UGGT2: variants seen among roughly 807,000 people sequenced by gnomAD.
The protein encoded by UGGT2 is UDP-glucose:glycoprotein glucosyltransferase 2.
In UGGT2, 180 loss-of-function variants were observed where a neutral mutation model predicts 192.1. The ratio of observed to expected loss-of-function variants is 0.94; its 90% CI spans 0.83 to 1.06. UGGT2 has a LOEUF of 1.06. Ranked by LOEUF, UGGT2 falls within the 50% of genes least tolerant of loss-of-function variation. The pLI, the probability that UGGT2 is intolerant of heterozygous loss-of-function variation, is 0.00. For missense variants in UGGT2, 1,849 were observed against 1,795.7 expected, an observed-to-expected ratio of 1.03 and a Z score of -0.54; for synonymous variants, 580 against 591.0, an observed-to-expected ratio of 0.98 and a Z score of 0.27.
At chr13:95,859,820 G>A in intron 32 of UGGT2, 145 bp from the exon 33 acceptor site, 4 of 524,762 alleles carry the variant, frequency 7.6e-6, no homozygotes, top group Non-Finnish European at 1.3e-5. Flanking sequence ...AGAACATACA[G>A]GTTTGTTACA....
intron 12 of UGGT2, among the ~76,000 whole-genome samples, chr13:95,959,395 A>G (rs2050315768): frequency 6.6e-6 from 1 of 151,876 alleles, no homozygotes; most frequent in Non-Finnish European, 1.5e-5. Flanking sequence ...CTGAGCATCC[A>G]CCTATGGCCG....
intron 2 of UGGT2, among the ~76,000 whole-genome samples, chr13:96,024,082 T>C (rs1322151061): frequency 1.3e-5 from 2 of 152,194 alleles, no homozygotes; most frequent in Non-Finnish European, 2.9e-5. Flanking sequence ...AAGTCCTACC[T>C]ACAAGGTAGA....
intron 17 of UGGT2, among the ~76,000 whole-genome samples, chr13:95,934,376 G>A (rs2049390955): frequency 6.6e-6 from 1 of 152,160 alleles, no homozygotes; most frequent in African/African-American, 2.4e-5. Flanking sequence ...TGTCTATTAG[G>A]TCTAACTGAT....
chr13:95,851,671 A>G (rs1889059668), intron 36 of UGGT2, among the ~76,000 whole-genome samples: 1 of 152,188 alleles, frequency 6.6e-6, no homozygotes, highest in Non-Finnish European at 1.5e-5. Flanking sequence ...TTTACCTAAG[A>G]AAAAAGATAT....
intron 12 of UGGT2, among the ~76,000 whole-genome samples, chr13:95,968,652 A>C (rs1445478156): frequency 6.6e-6 from 1 of 152,140 alleles, no homozygotes; most frequent in African/African-American, 2.4e-5. Flanking sequence ...GCTGCGAATT[A>C]AAGCTCCCAG....
At chr13:95,841,951 C>T (rs1202090253) in intron 36 of UGGT2, among the ~76,000 whole-genome samples, 1 of 152,102 alleles carries the variant, frequency 6.6e-6, no homozygotes, top group African/African-American at 2.4e-5. Flanking sequence ...ATTCTTTCCC[C>T]ATTAAGTTGT....
At chr13:95,920,546 T>C (rs1471498889) in intron 20 of UGGT2, among the ~76,000 whole-genome samples, 1 of 152,052 alleles carries the variant, frequency 6.6e-6, no homozygotes, top group Non-Finnish European at 1.5e-5. Flanking sequence ...AACAGACTCT[T>C]CTCAAAAGAA....
intron 38 of UGGT2, among the ~76,000 whole-genome samples, chr13:95,818,059 C>G (rs1377210586): frequency 6.6e-6 from 1 of 152,138 alleles, no homozygotes; most frequent in African/African-American, 2.4e-5. Context: ...ATTATCCCAA[C>G]GTTTTGGGAG....
In UGGT2 at chr13:95,925,711, C is replaced by T. The variant is rs2048995189; in HGVS notation, c.2264G>A (p.Arg755Lys). 2 of 1,577,190 alleles carry T rather than the reference C, an allele frequency of 1.3e-6. No homozygotes were observed. The highest frequency in any genetic ancestry group is 1.2e-5 in the South Asian group (1 of 83,704). The change falls in exon 20 of 39, where the codon AGA becomes AAA. Residue 755 changes from arginine (R) to lysine (K), a missense_variant. Physicochemically the swap from Arg to Lys is conservative, Grantham distance 26. Coordinates refer to ENST00000376747, the MANE Select transcript of UGGT2 (RefSeq NM_020121.4). ...IIADFDKPSG[R>K]KLLFNALKHM... The stretch of plus-strand genomic sequence containing the variant: ...CTTTAATGCATTAAAAAGAAGTTTT[C>T]TCCCAGAAGGCTTATCAAAATCTGC...
intron 4 of UGGT2, 137 bp downstream of exon 4, chr13:96,022,903 T>TA: frequency 2.1e-6 from 1 of 473,594 alleles, no homozygotes; most frequent in Non-Finnish European, 3.4e-6. Flanking sequence ...TCAGATATAT[T>TA]ACGGTTTTCA....
rs185552867 is a variant in UGGT2, at chr13:95,886,530, A to G, written c.3038+1362T>C. On this transcript the variant is annotated intron_variant, in intron 26 of 38. Transcript: ENST00000376747. ...AATTCTGTACTTATGGAACTAACAAACCTTTCAATTAGTAGCTAAAAAATT... is the reference window on the plus strand; with the variant it reads ...AATTCTGTACTTATGGAACTAACAAGCCTTTCAATTAGTAGCTAAAAAATT... Among the ~76,000 whole-genome samples, 824 of 152,302 alleles carry G rather than the reference A, an allele frequency of 5.4e-3. 6 individuals carry two copies. Among genetic ancestry groups the G allele is most frequent in the Non-Finnish European group, 9.6e-3 (651 of 68,028 alleles).
At position 95,923,396 on chromosome 13, in the gene UGGT2, T is replaced by C. The variant is rs2048911646; in HGVS notation, c.2295+2284A>G. On this transcript the variant is annotated intron_variant, in intron 20 of 38. Coordinates refer to ENST00000376747, the MANE Select transcript of UGGT2 (RefSeq NM_020121.4). ...TTTTTTTTTTTTTTTTGAGATGGAG[T>C]CTCACTCTGTCAACCAGGCTGAAGT... 2.3e-5 allele frequency among the ~76,000 whole-genome samples: 3 copies of C among 133,124 alleles called. No individual in the cohort carries two copies. In the South Asian group the frequency reaches 7.1e-4, roughly 32 times the overall value. 87.3% of individuals were successfully genotyped at this position (133,124 alleles called of 152,430 possible). A position where few individuals can be genotyped will look rare whatever the true frequency, so the allele number is the denominator to read the frequency against.
chr13:95,967,280 G>A (rs1011588968), intron 12 of UGGT2, among the ~76,000 whole-genome samples: 2 of 151,670 alleles, frequency 1.3e-5, no homozygotes, highest in African/African-American at 4.8e-5. Flanking sequence ...AGCCTCCCAA[G>A]TAGCTGGGAC....
Position 95,949,519 on chromosome 13 carries a change from T to G in UGGT2, c.1336-65A>C, listed in dbSNP as rs376227401. 2.7e-5 allele frequency: 36 copies of G among 1,341,582 alleles called. No homozygotes were observed. The East Asian group carries it at 5.3e-4, about 20-fold the overall frequency. 83.1% of individuals were successfully genotyped at this position (1,341,582 alleles called of 1,614,324 possible). A position where few individuals can be genotyped will look rare whatever the true frequency, so the allele number is the denominator to read the frequency against. On this transcript the variant is annotated intron_variant, in intron 12 of 38. Transcript: ENST00000376747. Reference sequence around the variant, plus strand: ...ACTGAAATCATTTTCAAAGCCAGATTTTTACTATATCGTGATAAATAAAAA... The same window carrying G: ...ACTGAAATCATTTTCAAAGCCAGATGTTTACTATATCGTGATAAATAAAAA...
chr13:95,931,272 A>C (rs2049254091), intron 17 of UGGT2, among the ~76,000 whole-genome samples: 1 of 152,124 alleles, frequency 6.6e-6, no homozygotes, highest in South Asian at 2.1e-4. Context: ...GTGTTTACAA[A>C]TCTTGAGCTA....
At chr13:95,999,038 A>C (rs2051713231) in intron 6 of UGGT2, among the ~76,000 whole-genome samples, 173 bp downstream of exon 6, 1 of 152,252 alleles carries the variant, frequency 6.6e-6, no homozygotes, top group African/African-American at 2.4e-5. Flanking sequence ...AATATTAAAT[A>C]CATTTCTTTC....
intron 22 of UGGT2, among the ~76,000 whole-genome samples, chr13:95,897,697 T>C (rs368956688): frequency 2.0e-5 from 3 of 152,224 alleles, no homozygotes; most frequent in Non-Finnish European, 1.5e-5. Flanking sequence ...ATAAGCTAAG[T>C]ATTACATTAT....
chr13:95,948,137 T>G (rs2140600788), intron 13 of UGGT2, 56 bp from the exon 14 acceptor site: 2 of 1,425,196 alleles, frequency 1.4e-6, no homozygotes, highest in Admixed American at 4.2e-5. Context: ...TTCATGAAAT[T>G]CAAGTTTAGA....
intron 23 of UGGT2, among the ~76,000 whole-genome samples, chr13:95,894,901 A>C (rs1288927822): frequency 6.6e-6 from 1 of 152,148 alleles, no homozygotes; most frequent in African/African-American, 2.4e-5. Flanking sequence ...CCATGCATAC[A>C]ATCTATAGGA....
Sources: allele counts gnomAD v4.1 joint callset (sites outside exome capture counted in the v4.1 genomes callset), GRCh38; gene constraint gnomAD v4.1.1; transcripts MANE v1.5; gene names NCBI Gene and HGNC (gene_info 2026-07-23, HGNC 2026-07-21).